The following POU6F2 variants were observed in gnomAD, a reference collection of about 807,000 sequenced individuals.
POU6F2 encodes POU domain, class 6, transcription factor 2.
A neutral mutation model predicts 71.3 loss-of-function variants in POU6F2; 31 were observed. The observed-to-expected ratio is 0.43, with a 90% CI of 0.33 to 0.59. The LOEUF (loss-of-function observed/expected upper bound fraction) is 0.59, where lower values mean the gene tolerates loss of function less well. Among genes scored for constraint, POU6F2 ranks in the 20% least tolerant of loss-of-function variants. The pLI is 0.04. For missense variants in POU6F2, 783 were observed against 856.8 expected (o/e 0.91, Z 1.07); for synonymous variants, 347 against 355.7 (o/e 0.98, Z 0.27).
At chr7:39,163,623 C>T (rs1584576578) in intron 2 of POU6F2, among the ~76,000 whole-genome samples, 2 of 152,188 alleles carry the variant, frequency 1.3e-5, no homozygotes, top group East Asian at 3.8e-4. Flanking sequence ...GTTTCAGTTT[C>T]ATCTTTAAAA....
intron 5 of POU6F2, among the ~76,000 whole-genome samples, chr7:39,343,255 G>A (rs1414561611): frequency 6.6e-6 from 1 of 152,168 alleles, no homozygotes; most frequent in African/African-American, 2.4e-5. Context: ...TAGTCCTTGG[G>A]TGCCAGGATG....
chr7:39,319,698 C>T (rs1785346152), intron 4 of POU6F2, among the ~76,000 whole-genome samples: 1 of 152,112 alleles, frequency 6.6e-6, no homozygotes, highest in Non-Finnish European at 1.5e-5. Context: ...GTCTTTTTAC[C>T]TGTGGCATTT....
intron 1 of POU6F2, among the ~76,000 whole-genome samples, chr7:38,989,807 GTGTGTGTGTGTGTGTGTGTT>G (rs1788556519): frequency 7.4e-6 from 1 of 134,940 alleles, no homozygotes; most frequent in Non-Finnish European, 1.6e-5. Context: ...GTGTTTGTGT[GTGTGTGTGTGTGTGTGTGTT>G]TGTGTGTGTG....
intron 5 of POU6F2, among the ~76,000 whole-genome samples, chr7:39,371,152 C>T (rs1037022896): frequency 6.6e-6 from 1 of 150,778 alleles, no homozygotes; most frequent in Non-Finnish European, 1.5e-5. Flanking sequence ...TATGTGTTTT[C>T]AGGGAAAAAG....
At chr7:39,049,508 T>C (rs1790362517) in intron 1 of POU6F2, among the ~76,000 whole-genome samples, 1 of 152,068 alleles carries the variant, frequency 6.6e-6, no homozygotes, top group South Asian at 2.1e-4. Context: ...TTAATTCCGT[T>C]GTAGTCATAG....
intron 1 of POU6F2, among the ~76,000 whole-genome samples, chr7:39,001,543 T>C (rs772358703): frequency 2.0e-5 from 3 of 152,166 alleles, no homozygotes; most frequent in Non-Finnish European, 2.9e-5. Context: ...TGATTGAGGA[T>C]GGGAAATCTA....
At chr7:39,070,057 C>G (rs867846214) in intron 1 of POU6F2, among the ~76,000 whole-genome samples, 1 of 152,150 alleles carries the variant, frequency 6.6e-6, no homozygotes. Flanking sequence ...ACTGGCCACA[C>G]GTGCCCAGGG....
chr7:39,041,562 C>T (rs1182904986), intron 1 of POU6F2, among the ~76,000 whole-genome samples: 1 of 151,742 alleles, frequency 6.6e-6, no homozygotes, highest in Non-Finnish European at 1.5e-5. Flanking sequence ...TAAGGTTAAC[C>T]ACTTTTTTAT....
chr7:39,253,551 G>A (rs895543644), intron 4 of POU6F2, among the ~76,000 whole-genome samples: 2 of 152,218 alleles, frequency 1.3e-5, no homozygotes, highest in African/African-American at 4.8e-5. Context: ...ATGAGGGAAT[G>A]AAATTACAGA....
intron 1 of POU6F2, among the ~76,000 whole-genome samples, chr7:39,044,684 G>GCT (rs1790253951): frequency 6.6e-6 from 1 of 151,984 alleles, no homozygotes; most frequent in African/African-American, 2.4e-5. Flanking sequence ...GTTAGCACAG[G>GCT]ATGTCGTTTC....
intron 5 of POU6F2, among the ~76,000 whole-genome samples, chr7:39,393,092 C>G (rs1263826719): frequency 6.6e-6 from 1 of 152,088 alleles, no homozygotes; most frequent in East Asian, 1.9e-4. Flanking sequence ...AATACAAAAA[C>G]TTTTTATATT....
At position 39,245,935 on chromosome 7, in the gene POU6F2, A is replaced by G. The variant is rs147614466; in HGVS notation, c.598+38315A>G. On this transcript the variant is annotated intron_variant, in intron 4 of 9. Coordinates refer to ENST00000518318, the MANE Select transcript of POU6F2 (RefSeq NM_001370959.1). The stretch of plus-strand genomic sequence containing the variant: ...GTCCAGATGGCATTTTGAGATAAGC[A>G]CTAGATATATAGATGAGACACTGAA... 1.6e-3 allele frequency among the ~76,000 whole-genome samples: 239 copies of G among 152,320 alleles called. 1 individual carries two copies. The highest frequency in any genetic ancestry group is 5.4e-3 in the African/African-American group (226 of 41,568).
chr7:39,064,635 A>G (rs1020580661), intron 1 of POU6F2, among the ~76,000 whole-genome samples: 1 of 151,994 alleles, frequency 6.6e-6, no homozygotes, highest in African/African-American at 2.4e-5. Flanking sequence ...ATGGCAATAA[A>G]CATGAATGTT....
chr7:39,120,017 G>T (rs1792008566), intron 2 of POU6F2, among the ~76,000 whole-genome samples: 2 of 152,212 alleles, frequency 1.3e-5, no homozygotes, highest in Non-Finnish European at 2.9e-5. Flanking sequence ...AAGTCAAAGT[G>T]CCACAGGTAG....
At chr7:38,982,900 A>C (rs2116593649) in intron 1 of POU6F2, among the ~76,000 whole-genome samples, 1 of 152,228 alleles carries the variant, frequency 6.6e-6, no homozygotes, top group South Asian at 2.1e-4. Flanking sequence ...CCTGCGTGTA[A>C]AATCTATAAT....
Position 39,207,491 on chromosome 7 carries a change from G to T in POU6F2, c.469G>T (p.Ala157Ser). The T allele has an allele frequency of 6.2e-7, 1 of 1,613,960 alleles. No homozygotes were observed. The highest frequency in any genetic ancestry group is 8.5e-7 in the Non-Finnish European group (1 of 1,179,882). ...NQPILIPFNM[A>S]GQLGGQQGLV... ...GCCAATCCTCATTCCCTTCAACATG[G>T]CGGGACAGCTAGGAGGCCAGCAAGG... Residue 157 changes from alanine to serine, a missense_variant, in exon 4 of 10, where the codon GCG (alanine) becomes TCG (serine). This residue lies in a region of POU6F2 where 572 missense variants were observed against 572.9 expected (regional missense o/e 1.00). Transcript: ENST00000518318.
At chr7:38,983,410 T>G (rs1321553093) in intron 1 of POU6F2, among the ~76,000 whole-genome samples, 2 of 101,258 alleles carry the variant, frequency 2.0e-5, no homozygotes, top group East Asian at 3.5e-4. Context: ...TTTTTTTTTG[T>G]AGGTGAAATG....
chr7:39,249,820 A>G (rs1783882644), intron 4 of POU6F2, among the ~76,000 whole-genome samples: 1 of 152,202 alleles, frequency 6.6e-6, no homozygotes, highest in Non-Finnish European at 1.5e-5. Flanking sequence ...AGTGTCAGTC[A>G]GAGAGTACTC....
intron 2 of POU6F2, among the ~76,000 whole-genome samples, chr7:39,163,938 A>T (rs995748458): frequency 1.3e-5 from 2 of 152,176 alleles, no homozygotes; most frequent in South Asian, 4.1e-4. Context: ...TGGGAGAGGG[A>T]TGAAGTCCGG....
Sources: gnomAD v4.1 joint callset for allele counts (sites outside exome capture counted in the v4.1 genomes callset) on GRCh38, gnomAD v4.1.1 for gene constraint, gnomAD v4.1.1 regional missense constraint, MANE v1.5 for transcripts, NCBI Gene and HGNC (gene_info 2026-07-23, HGNC 2026-07-21) for gene names.